Variants in CCDC148 observed in about 807,000 individuals in gnomAD.
The protein encoded by CCDC148 is coiled-coil domain containing 148.
CCDC148 carries 89 observed loss-of-function variants against 85.7 expected under a neutral mutation model. The observed-to-expected ratio is 1.04, with a 90% CI of 0.87 to 1.24. The LOEUF is 1.24. CCDC148 is among the 50% of genes most tolerant of loss of function. CCDC148 has a pLI of 0.00. For synonymous variants in CCDC148, 230 were observed against 213.9 expected, an observed-to-expected ratio of 1.08 and a Z score of -0.66; for missense variants, 692 against 671.7, an observed-to-expected ratio of 1.03 and a Z score of -0.33.
chr2:158,365,328 A>G (rs1469212945), intron 1 of CCDC148, among the ~76,000 whole-genome samples: 1 of 152,220 alleles, frequency 6.6e-6, no homozygotes, highest in African/African-American at 2.4e-5. Context: ...AGGATTATAA[A>G]TCATTCTACT....
intron 9 of CCDC148, among the ~76,000 whole-genome samples, chr2:158,264,580 C>T (rs560982144): frequency 7.9e-4 from 120 of 152,092 alleles, no homozygotes; most frequent in African/African-American, 2.6e-3. Context: ...GAAGCAAGAT[C>T]TTCAAGACAG....
chr2:158,385,067 T>C (rs1053546663), intron 1 of CCDC148, among the ~76,000 whole-genome samples: 1 of 152,174 alleles, frequency 6.6e-6, no homozygotes, highest in African/African-American at 2.4e-5. Flanking sequence ...GTGACTACAG[T>C]TGTTTGCATT....
chr2:158,415,854 C>T (rs900084097), intron 1 of CCDC148, among the ~76,000 whole-genome samples: 1 of 152,208 alleles, frequency 6.6e-6, no homozygotes, highest in Admixed American at 6.5e-5. Context: ...ATTCTCACAG[C>T]TCCACTATGC....
intron 7 of CCDC148, among the ~76,000 whole-genome samples, chr2:158,324,464 A>G (rs1212780592): frequency 1.3e-5 from 2 of 152,174 alleles, no homozygotes; most frequent in African/African-American, 4.8e-5. Context: ...TACTTGATGA[A>G]GCTCATTCCC....
At chr2:158,403,496 A>T (rs938097258) in intron 1 of CCDC148, among the ~76,000 whole-genome samples, 24 of 152,074 alleles carry the variant, frequency 1.6e-4, no homozygotes, top group African/African-American at 4.3e-4. Context: ...TAAAGTGTGT[A>T]TTTTTAGAGC....
chr2:158,334,659 T>G (rs1325604339), intron 7 of CCDC148, among the ~76,000 whole-genome samples: 1 of 152,090 alleles, frequency 6.6e-6, no homozygotes, highest in Non-Finnish European at 1.5e-5. Context: ...GCTATCTCTT[T>G]AATAATCTGA....
intron 1 of CCDC148, among the ~76,000 whole-genome samples, chr2:158,427,741 A>T (rs774891063): frequency 6.6e-6 from 1 of 152,088 alleles, no homozygotes; most frequent in East Asian, 1.9e-4. Flanking sequence ...GTGGTAGCAC[A>T]TGCCTATAAT....
intron 11 of CCDC148, among the ~76,000 whole-genome samples, chr2:158,213,878 C>G (rs905972809): frequency 1.3e-5 from 2 of 151,968 alleles, no homozygotes; most frequent in African/African-American, 4.8e-5. Flanking sequence ...ACCAGGGCAC[C>G]AGTATTGGTC....
chr2:158,382,986 G>T (rs894774458), intron 1 of CCDC148, among the ~76,000 whole-genome samples: 1 of 151,578 alleles, frequency 6.6e-6, no homozygotes, highest in South Asian at 2.1e-4. Context: ...AGTTTTACAC[G>T]TAAAAAAGTT....
In CCDC148 at chr2:158,358,558, A is replaced by T; in HGVS notation, c.38T>A (p.Phe13Tyr). ...GTTTCTCATCTCATTTTTCATATGGAATACCAGATTATCTATTAGTCATAA... is the reference window on the plus strand; with the variant it reads ...GTTTCTCATCTCATTTTTCATATGGTATACCAGATTATCTATTAGTCATAA... Reference protein sequence around the residue: ...AASASPDNLVFHMKNEMRNIK... With the variant: ...AASASPDNLVYHMKNEMRNIK... The change falls in exon 2 of 14, where the codon TTC becomes TAC. Residue 13 changes from phenylalanine (F) to tyrosine (Y), a missense_variant. Coordinates refer to ENST00000283233, the MANE Select transcript of CCDC148 (RefSeq NM_138803.4). The T allele has an allele frequency of 6.3e-7, 1 of 1,580,606 alleles. No homozygotes were observed. Among genetic ancestry groups the T allele is most frequent in the Non-Finnish European group, 8.6e-7 (1 of 1,162,426 alleles).
intron 11 of CCDC148, among the ~76,000 whole-genome samples, chr2:158,206,189 G>A (rs1686233759): frequency 6.6e-6 from 1 of 152,134 alleles, no homozygotes; most frequent in African/African-American, 2.4e-5. Flanking sequence ...TAAGATACCA[G>A]GTAACAATGA....
At chr2:158,416,906 T>C (rs111301133) in intron 1 of CCDC148, among the ~76,000 whole-genome samples, 25,395 of 152,212 alleles carry the variant, frequency 0.17, 2,284 homozygotes, top group Middle Eastern at 0.21. Flanking sequence ...AATTGGCTCA[T>C]GGTTCTGCAG....
intron 1 of CCDC148, among the ~76,000 whole-genome samples, chr2:158,384,605 T>C (rs1377076829): frequency 6.6e-6 from 1 of 152,186 alleles, no homozygotes; most frequent in East Asian, 1.9e-4. Context: ...CCCAGCCATG[T>C]TTTCTGTACA....
rs1050936536 is a variant in CCDC148 at position 158,298,269 on chromosome 2, C to T, written c.1110+11164G>A. ...TCAAGATGAGATTTGGGTAGGGATA[C>T]AGCCAAACCGTATCACCATTGTTTT... On this transcript the variant is annotated intron_variant, in intron 9 of 13. Transcript: ENST00000283233. 1.3e-5 allele frequency among the ~76,000 whole-genome samples: 2 copies of T among 152,124 alleles called. 1 individual carries two copies. Among genetic ancestry groups the T allele is most frequent in the African/African-American group, 4.8e-5 (2 of 41,440 alleles).
intron 9 of CCDC148, among the ~76,000 whole-genome samples, chr2:158,270,282 T>C (rs1457484489): frequency 6.6e-6 from 1 of 152,160 alleles, no homozygotes; most frequent in Non-Finnish European, 1.5e-5. Context: ...GAGAATAATA[T>C]GAAAAACAAG....
intron 1 of CCDC148, among the ~76,000 whole-genome samples, chr2:158,391,926 A>G (rs1685326253): frequency 6.6e-6 from 1 of 152,084 alleles, no homozygotes. Flanking sequence ...TCTGAAAAAG[A>G]GGAGGCAGTT....
chr2:158,348,821 AT>A (rs1683123171), intron 2 of CCDC148, among the ~76,000 whole-genome samples: 1 of 152,114 alleles, frequency 6.6e-6, no homozygotes, highest in African/African-American at 2.4e-5. Flanking sequence ...TTTCTATAAC[AT>A]TTTTAAAAAG....
At chr2:158,401,594 A>G (rs1685786285) in intron 1 of CCDC148, among the ~76,000 whole-genome samples, 1 of 152,008 alleles carries the variant, frequency 6.6e-6, no homozygotes, top group Non-Finnish European at 1.5e-5. Context: ...CCTAATGTAA[A>G]TATGAGTTGA....
At chr2:158,452,243 G>C (rs1190124926) in intron 1 of CCDC148, among the ~76,000 whole-genome samples, 1 of 152,146 alleles carries the variant, frequency 6.6e-6, no homozygotes, top group Admixed American at 6.5e-5. Context: ...AGGAAAGGGG[G>C]TATGGGGCTT....
Sources: allele counts gnomAD v4.1 joint callset (sites outside exome capture counted in the v4.1 genomes callset), GRCh38; gene constraint gnomAD v4.1.1; transcripts MANE v1.5; gene names NCBI Gene and HGNC (gene_info 2026-07-23, HGNC 2026-07-21).